Variants in SGCD observed in about 807,000 individuals in gnomAD.
SGCD encodes sarcoglycan delta, also known as delta-sarcoglycan.
A neutral mutation model predicts 36.6 loss-of-function variants in SGCD; 18 were observed. The ratio of observed to expected loss-of-function variants is 0.49; its 90% CI spans 0.34 to 0.73. The LOEUF (loss-of-function observed/expected upper bound fraction) is 0.73. Among genes scored for constraint, SGCD ranks in the 30% least tolerant of loss-of-function variants. The pLI, the probability that SGCD is intolerant of heterozygous loss-of-function variation, is 0.01. For missense variants in SGCD, 387 were observed against 346.7 expected (o/e 1.12, Z -0.92); for synonymous variants, 133 against 130.6 (o/e 1.02, Z -0.12).
rs544680201 is a variant in SGCD, at chr5:156,619,319, C to T, written c.502+24268C>T. On this transcript the variant is annotated intron_variant, in intron 6 of 8. Coordinates refer to ENST00000337851, the MANE Select transcript of SGCD (RefSeq NM_000337.6). ...GGATTACAGGCGTGAGCTGCCGAGC[C>T]GGCCGAAGAGAGCCAATTCCAACAT... 1.1e-4 allele frequency among the ~76,000 whole-genome samples: 17 copies of T among 152,180 alleles called. No homozygotes were observed. The East Asian group carries it at 1.9e-3, about 17-fold the overall frequency.
chr5:156,585,766 A>G (rs1027735887), intron 4 of SGCD, among the ~76,000 whole-genome samples: 1 of 152,074 alleles, frequency 6.6e-6, no homozygotes, highest in Non-Finnish European at 1.5e-5. Context: ...AGTGTATCAG[A>G]CTCCCTGCCA....
intron 1 of SGCD, among the ~76,000 whole-genome samples, chr5:156,072,255 G>T (rs1760597202): frequency 1.3e-5 from 2 of 152,040 alleles, no homozygotes; most frequent in Non-Finnish European, 2.9e-5. Context: ...GCATGATTTT[G>T]CAGTGGCTGG....
chr5:156,529,229 A>G (rs1757778388), intron 4 of SGCD, among the ~76,000 whole-genome samples: 1 of 152,102 alleles, frequency 6.6e-6, no homozygotes, highest in Non-Finnish European at 1.5e-5. Context: ...GATCAAGACC[A>G]TCCTGGCCAA....
intron 1 of SGCD, among the ~76,000 whole-genome samples, chr5:155,969,072 AT>A (rs974802693): frequency 1.1e-4 from 17 of 152,078 alleles, no homozygotes; most frequent in Non-Finnish European, 2.4e-4. Flanking sequence ...ATTGATGTAC[AT>A]TTAAGTTACA....
intron 1 of SGCD, among the ~76,000 whole-genome samples, chr5:155,878,238 G>A (rs1755806137): frequency 6.6e-6 from 1 of 152,122 alleles, no homozygotes; most frequent in Non-Finnish European, 1.5e-5. Context: ...TTTAGAGTTA[G>A]GTTCCAAAGT....
At chr5:156,563,116 A>G (rs147127755) in intron 4 of SGCD, among the ~76,000 whole-genome samples, 2 of 152,136 alleles carry the variant, frequency 1.3e-5, no homozygotes, top group Non-Finnish European at 2.9e-5. Flanking sequence ...ATTAGCTGGG[A>G]TTACAGGCAT....
At chr5:156,051,259 C>T (rs554730148) in intron 1 of SGCD, among the ~76,000 whole-genome samples, 1 of 146,168 alleles carries the variant, frequency 6.8e-6, no homozygotes, top group African/African-American at 2.5e-5. Context: ...GTTTATCACT[C>T]TAGAAAATTT....
intron 6 of SGCD, 43 bp downstream of exon 6, chr5:156,595,094 T>C (rs2113389997): frequency 1.3e-6 from 2 of 1,576,026 alleles, no homozygotes; most frequent in Non-Finnish European, 1.7e-6. Context: ...TGCTACTGTG[T>C]ACATTTTAGA....
intron 7 of SGCD, among the ~76,000 whole-genome samples, chr5:156,683,911 A>G (rs1204679613): frequency 6.6e-6 from 1 of 152,246 alleles, no homozygotes; most frequent in African/African-American, 2.4e-5. Context: ...TCAGGAGTTT[A>G]AGATTAATTT....
intron 2 of SGCD, among the ~76,000 whole-genome samples, chr5:156,333,115 C>T (rs763488822): frequency 1.3e-5 from 2 of 152,138 alleles, no homozygotes; most frequent in East Asian, 1.9e-4. Context: ...TCCTTTCCTA[C>T]CACAGGTTTC....
the SGCD span, among the ~76,000 whole-genome samples, chr5:155,833,068 A>AAAAAAAG: frequency 2.8e-5 from 4 of 142,680 alleles, no homozygotes; most frequent in African/African-American, 1.0e-4. Context: ...AAAAAAAAAA[A>AAAAAAAG]AAAGAAAAAA....
At chr5:156,025,896 A>G (rs1561686923) in intron 1 of SGCD, among the ~76,000 whole-genome samples, 1 of 152,204 alleles carries the variant, frequency 6.6e-6, no homozygotes, top group African/African-American at 2.4e-5. Flanking sequence ...TAAACATTCC[A>G]TTGGCCCTTT....
intron 7 of SGCD, among the ~76,000 whole-genome samples, chr5:156,705,143 C>T (rs577203661): frequency 1.3e-5 from 2 of 152,028 alleles, no homozygotes; most frequent in Non-Finnish European, 2.9e-5. Context: ...TATAGGTATC[C>T]TTAATATAAA....
At chr5:156,082,412 T>C (rs1760979157) in intron 1 of SGCD, among the ~76,000 whole-genome samples, 2 of 152,206 alleles carry the variant, frequency 1.3e-5, no homozygotes, top group South Asian at 4.1e-4. Context: ...CTCTATACCT[T>C]ACCACTAACC....
intron 3 of SGCD, among the ~76,000 whole-genome samples, chr5:156,285,523 A>G (rs1430310619): frequency 6.6e-6 from 1 of 152,184 alleles, no homozygotes; most frequent in Non-Finnish European, 1.5e-5. Flanking sequence ...AATGCCACAT[A>G]TCTACAACTA....
At chr5:156,332,529 C>T (rs111952721) in intron 2 of SGCD, among the ~76,000 whole-genome samples, 7 of 152,262 alleles carry the variant, frequency 4.6e-5, no homozygotes, top group African/African-American at 7.2e-5. Flanking sequence ...AGAAAGCAGA[C>T]GGTTATTTGA....
chr5:156,676,495 CA>C (rs1351789653), intron 7 of SGCD, among the ~76,000 whole-genome samples: 1 of 152,142 alleles, frequency 6.6e-6, no homozygotes, highest in Non-Finnish European at 1.5e-5. Context: ...AGCACGTAGT[CA>C]AAATGCTGGT....
In SGCD at chr5:156,228,686, G is replaced by T. The variant is rs939614143; in HGVS notation, c.-43-100848G>T. On this transcript the variant is annotated intron_variant, in intron 3 of 9. Coordinates refer to the SGCD transcript ENST00000517913. Reference sequence around the variant, plus strand: ...TACCATTCCATTGATCATGCTATTTGTTGCCTGTATACCGTGGTTTTTTGT... The same window carrying T: ...TACCATTCCATTGATCATGCTATTTTTTGCCTGTATACCGTGGTTTTTTGT... 5.9e-5 allele frequency among the ~76,000 whole-genome samples: 9 copies of T among 152,126 alleles called. No homozygotes were observed. The South Asian group carries it at 6.2e-4, about 11-fold the overall frequency.
At chr5:156,208,285 A>T (rs1000681105) in intron 3 of SGCD, among the ~76,000 whole-genome samples, 2 of 152,212 alleles carry the variant, frequency 1.3e-5, no homozygotes, top group Admixed American at 1.3e-4. Flanking sequence ...TACAAATCAG[A>T]TGAAACAAAC....
Sources: allele counts gnomAD v4.1 joint callset (sites outside exome capture counted in the v4.1 genomes callset), GRCh38; gene constraint gnomAD v4.1.1; transcripts MANE v1.5; gene names NCBI Gene and HGNC (gene_info 2026-07-23, HGNC 2026-07-21).